SLC35D4: variants seen among roughly 807,000 people sequenced by gnomAD.
SLC35D4 encodes the protein UDP-N-acetylglucosamine transporter SLC35D4.
the SLC35D4 span, among the ~76,000 whole-genome samples, chr18:23,349,802 A>G: frequency 2.0e-5 from 3 of 152,124 alleles, no homozygotes; most frequent in Non-Finnish European, 4.4e-5. Context: ...CAGTTATTGT[A>G]CTTTTTACCT....
the SLC35D4 span, among the ~76,000 whole-genome samples, chr18:23,292,104 T>A: frequency 6.6e-6 from 1 of 152,248 alleles, no homozygotes; most frequent in Admixed American, 6.5e-5. Flanking sequence ...GTTCCAAGTA[T>A]GACTAACTGC....
At chr18:23,378,688 A>T in the SLC35D4 span, among the ~76,000 whole-genome samples, 1 of 152,212 alleles carries the variant, frequency 6.6e-6, no homozygotes, top group Non-Finnish European at 1.5e-5. Context: ...TCTATATTTG[A>T]TAGAGGAAAT....
At chr18:23,402,130 T>C in the SLC35D4 span, among the ~76,000 whole-genome samples, 1 of 152,190 alleles carries the variant, frequency 6.6e-6, no homozygotes, top group East Asian at 1.9e-4. Flanking sequence ...AGAGCCACCA[T>C]GCTGTCAGTG....
At chr18:23,349,771 C>T in the SLC35D4 span, among the ~76,000 whole-genome samples, 1 of 150,184 alleles carries the variant, frequency 6.7e-6, no homozygotes, top group Non-Finnish European at 1.5e-5. Context: ...TCTGTTGAGT[C>T]CCTCTAGAGC....
chr18:23,428,123 C>G, the SLC35D4 span, among the ~76,000 whole-genome samples: 4 of 152,034 alleles, frequency 2.6e-5, no homozygotes, highest in Non-Finnish European at 5.9e-5. Context: ...ACATATGTAA[C>G]AAACCTGCAC....
chr18:23,396,275 G>A, the SLC35D4 span, among the ~76,000 whole-genome samples: 2 of 152,166 alleles, frequency 1.3e-5, no homozygotes, highest in Admixed American at 1.3e-4. Flanking sequence ...AAAGTGTTTT[G>A]CATAACAATA....
chr18:23,389,670 G>A, the SLC35D4 span, among the ~76,000 whole-genome samples: 1 of 152,052 alleles, frequency 6.6e-6, no homozygotes, highest in African/African-American at 2.4e-5. Context: ...TGCCGAGTAG[G>A]TGGGATTACA....
chr18:23,323,805 G>A, the SLC35D4 span, among the ~76,000 whole-genome samples: 4 of 152,236 alleles, frequency 2.6e-5, no homozygotes, highest in African/African-American at 9.6e-5. Flanking sequence ...GAGGCCGGGT[G>A]TGTTGGCTCA....
chr18:23,436,408 G>C, the SLC35D4 span, among the ~76,000 whole-genome samples: 10 of 152,158 alleles, frequency 6.6e-5, no homozygotes, highest in Admixed American at 3.9e-4. Context: ...GGTTCCAAAC[G>C]CCAAGTAAGT....
the SLC35D4 span, among the ~76,000 whole-genome samples, chr18:23,401,924 G>C: frequency 4.6e-5 from 7 of 152,332 alleles, no homozygotes; most frequent in South Asian, 1.2e-3. Flanking sequence ...AGATACACAG[G>C]ACTAGTAGGA....
At chr18:23,257,023 C>A in the SLC35D4 span, 1 of 583,442 alleles carries the variant, frequency 1.7e-6, no homozygotes, top group Non-Finnish European at 3.0e-6. Flanking sequence ...CCGGGCAGCC[C>A]CTCGGGAAAG....
the SLC35D4 span, among the ~76,000 whole-genome samples, chr18:23,251,417 C>T: frequency 6.6e-6 from 1 of 152,072 alleles, no homozygotes; most frequent in Admixed American, 6.5e-5. Context: ...CGCCACTGTA[C>T]TCCAGCTTGG....
At chr18:23,430,606 T>C in the SLC35D4 span, 1 of 1,577,994 alleles carries the variant, frequency 6.3e-7, no homozygotes. Context: ...TAAAAATGTA[T>C]ATAAAGAGCA....
At chr18:23,433,056 T>C in the SLC35D4 span, among the ~76,000 whole-genome samples, 1 of 115,386 alleles carries the variant, frequency 8.7e-6, no homozygotes, top group African/African-American at 2.9e-5. Context: ...TATCCACTTG[T>C]AACTCTTTTC....
At chr18:23,331,569 A>G in the SLC35D4 span, 3 of 152,560 alleles carry the variant, frequency 2.0e-5, no homozygotes, top group Admixed American at 6.5e-5. Context: ...TCCGATTTTT[A>G]AAACTGAAGT....
the SLC35D4 span, among the ~76,000 whole-genome samples, chr18:23,408,259 T>C: frequency 6.6e-6 from 1 of 152,184 alleles, no homozygotes; most frequent in African/African-American, 2.4e-5. Context: ...CATGTGTTTA[T>C]TGTCTGTCTA....
At chr18:23,382,384 T>C in the SLC35D4 span, among the ~76,000 whole-genome samples, 1 of 152,004 alleles carries the variant, frequency 6.6e-6, no homozygotes, top group Admixed American at 6.6e-5. Flanking sequence ...AGTGACTCTT[T>C]AGCTCAGTCC....
At chr18:23,264,779 G>T in the SLC35D4 span, among the ~76,000 whole-genome samples, 1 of 151,898 alleles carries the variant, frequency 6.6e-6, no homozygotes, top group Non-Finnish European at 1.5e-5. Context: ...AAATAGGCTG[G>T]GATTACAGGT....
chr18:23,359,966 T>C, the SLC35D4 span, among the ~76,000 whole-genome samples: 6 of 152,216 alleles, frequency 3.9e-5, no homozygotes, highest in Non-Finnish European at 5.9e-5. Flanking sequence ...GGGCCCATGC[T>C]GAGGGCATGA....
Sources: gnomAD v4.1 joint callset for allele counts (sites outside exome capture counted in the v4.1 genomes callset) on GRCh38, gnomAD v4.1.1 for gene constraint, MANE v1.5 for transcripts, NCBI Gene and HGNC (gene_info 2026-07-23, HGNC 2026-07-21) for gene names.